The following CREBRF variants were observed in gnomAD, a reference collection of about 807,000 sequenced individuals.
CREBRF encodes UPF0474 protein C5orf41.
A neutral mutation model predicts 66.1 loss-of-function variants in CREBRF; 5 were observed. The ratio of observed to expected loss-of-function variants is 0.08; its 90% CI spans 0.04 to 0.16. The LOEUF is 0.16. Among genes scored for constraint, CREBRF ranks in the 10% least tolerant of loss-of-function variants. The pLI is 1.00. For synonymous variants in CREBRF, 229 were observed against 264.4 expected, an observed-to-expected ratio of 0.87 and a Z score of 1.30; for missense variants, 531 against 744.9, an observed-to-expected ratio of 0.71 and a Z score of 3.34.
intron 8 of CREBRF, among the ~76,000 whole-genome samples, chr5:173,127,274 T>C (rs1021879397): frequency 6.6e-6 from 1 of 150,664 alleles, no homozygotes; most frequent in African/African-American, 2.4e-5. Flanking sequence ...GTGGTTCTTA[T>C]GCCTCAGCCT....
intron 7 of CREBRF, among the ~76,000 whole-genome samples, chr5:173,119,276 A>G (rs1458066695): frequency 6.6e-6 from 1 of 152,196 alleles, no homozygotes; most frequent in African/African-American, 2.4e-5. Flanking sequence ...GAGAATTACT[A>G]TCTTAAAATG....
intron 3 of CREBRF, among the ~76,000 whole-genome samples, chr5:173,089,204 C>A (rs1758254830): frequency 6.8e-6 from 1 of 147,942 alleles, no homozygotes; most frequent in African/African-American, 2.5e-5. Context: ...AAAAAAAAAC[C>A]CATACACAGA....
At chr5:173,058,559 C>A (rs977239552) in intron 1 of CREBRF, among the ~76,000 whole-genome samples, 1 of 151,914 alleles carries the variant, frequency 6.6e-6, no homozygotes, top group African/African-American at 2.4e-5. Context: ...TCTCGACTCA[C>A]TGCAAGCTCC....
At position 173,108,711 on chromosome 5, in the gene CREBRF, A is replaced by G. The variant is rs574369785; in HGVS notation, c.1310A>G (p.Tyr437Cys). The G allele has an allele frequency of 1.4e-5, 23 of 1,614,136 alleles. No individual in the cohort carries two copies. In the South Asian group the frequency reaches 2.1e-4, roughly 15 times the overall value. ...KRGKRRYFWE[Y>C]SEQLTPSQQE... The stretch of plus-strand genomic sequence containing the variant: ...GGTAAAAGAAGATACTTCTGGGAGT[A>G]TAGTGAACAACTTACACCATCACAG... The change falls in exon 5 of 9, where the codon TAT (tyrosine) becomes TGT (cysteine). Residue 437 changes from tyrosine to cysteine, a missense_variant. Tyr to Cys is a radical substitution (Grantham distance 194). Coordinates refer to ENST00000296953, the MANE Select transcript of CREBRF (RefSeq NM_153607.3).
chr5:173,070,956 G>A (rs1420486160), intron 1 of CREBRF, among the ~76,000 whole-genome samples: 2 of 152,082 alleles, frequency 1.3e-5, no homozygotes, highest in Admixed American at 6.6e-5. Flanking sequence ...ATTTGGCACT[G>A]TAGTGAAATA....
intron 5 of CREBRF, chr5:173,109,689 A>G (rs1758829134): frequency 6.6e-6 from 1 of 152,220 alleles, no homozygotes; most frequent in Non-Finnish European, 1.5e-5. Flanking sequence ...TGGTCAGTAA[A>G]CAGGTTATTC....
At chr5:173,086,321 A>G (rs1285862968) in intron 2 of CREBRF, 180 bp from the exon 3 acceptor site, 7 of 651,666 alleles carry the variant, frequency 1.1e-5, no homozygotes, top group South Asian at 1.9e-5. Flanking sequence ...TTTTCCTAAT[A>G]TAAGTCTACA....
In CREBRF at chr5:173,137,373, C is replaced by A. The variant is rs969451691; in HGVS notation, c.*3628C>A. The A allele has an allele frequency of 6.6e-6, 1 of 151,946 alleles. No homozygotes were observed. The highest frequency in any genetic ancestry group is 6.6e-5 in the Admixed American group (1 of 15,246). The allele number at this position is 151,946 out of a possible 1,614,324, so 9.4% of individuals were successfully genotyped here. The stretch of plus-strand genomic sequence containing the variant: ...AGTTATTTTATATTTGTATGAAAGA[C>A]CAGTTTTGGATGGTCTTTGAATATA... On this transcript the variant is annotated 3_prime_UTR_variant, in exon 9 of 9. Coordinates refer to ENST00000296953, the MANE Select transcript of CREBRF (RefSeq NM_153607.3).
At position 173,090,207 on chromosome 5, in the gene CREBRF, T is replaced by C. The variant is rs977613806; in HGVS notation, c.136-108T>C. ...TAAAGCGTCCTGTCAGTAGCCTTTA[T>C]GTTAAAACAGACCAAAAGTCAAGTA... On this transcript the variant is annotated intron_variant, in intron 3 of 8. Coordinates refer to ENST00000296953, the MANE Select transcript of CREBRF (RefSeq NM_153607.3). The surrounding 1 kb of genome is among the most constrained non-coding windows in gnomAD (Gnocchi z 4.5). 4.8e-6 allele frequency: 4 copies of C among 827,472 alleles called. No individual in the cohort carries two copies. Among genetic ancestry groups the C allele is most frequent in the Middle Eastern group, 2.8e-4 (1 of 3,632 alleles). The allele number at this position is 827,472 out of a possible 1,614,324, so 51.3% of individuals were successfully genotyped here.
chr5:173,095,120 C>T (rs370546025), intron 4 of CREBRF, among the ~76,000 whole-genome samples: 19 of 147,462 alleles, frequency 1.3e-4, no homozygotes, highest in African/African-American at 4.3e-4. Flanking sequence ...TTTCTGGGCT[C>T]TCTGTTTCAT....
chr5:173,080,671 T>C lies in CREBRF; in HGVS notation c.-105T>C. 1 of 1,187,494 alleles carries C rather than the reference T, an allele frequency of 8.4e-7. No homozygotes were observed. The highest frequency in any genetic ancestry group is 1.2e-6 in the Non-Finnish European group (1 of 803,522). The allele number at this position is 1,187,494 out of a possible 1,614,324, so 73.6% of individuals were successfully genotyped here. A position where few individuals can be genotyped will look rare whatever the true frequency, so the allele number is the denominator to read the frequency against. On this transcript the variant is annotated 5_prime_UTR_variant, in exon 2 of 9. Coordinates refer to ENST00000296953, the MANE Select transcript of CREBRF (RefSeq NM_153607.3). ...CTCTGGGGAAACCTGCTGTTTATTG[T>C]GGAAATCATCTTCGATCTTGGAATT...
At chr5:173,105,810 G>A (rs1758734741) in intron 4 of CREBRF, among the ~76,000 whole-genome samples, 1 of 144,462 alleles carries the variant, frequency 6.9e-6, no homozygotes, top group African/African-American at 2.6e-5. Context: ...AGTAGAGATG[G>A]GGTTTCATCG....
intron 1 of CREBRF, among the ~76,000 whole-genome samples, chr5:173,064,605 G>A (rs1020848947): frequency 5.8e-5 from 8 of 137,564 alleles, no homozygotes; most frequent in African/African-American, 1.9e-4. Context: ...TCGCTCTGTC[G>A]CCCAGGCGGA....
At chr5:173,128,648 G>A (rs1759330776) in intron 8 of CREBRF, among the ~76,000 whole-genome samples, 1 of 151,332 alleles carries the variant, frequency 6.6e-6, no homozygotes, top group African/African-American at 2.4e-5. Flanking sequence ...CTTCTTGTCT[G>A]GTATTATCAC....
intron 4 of CREBRF, among the ~76,000 whole-genome samples, chr5:173,105,524 G>A (rs1455532777): frequency 1.3e-5 from 2 of 152,014 alleles, no homozygotes; most frequent in East Asian, 3.9e-4. Context: ...AGGTTGGAGT[G>A]CAGTGGTATG....
At chr5:173,072,444 T>A (rs1393958368) in intron 1 of CREBRF, among the ~76,000 whole-genome samples, 1 of 152,160 alleles carries the variant, frequency 6.6e-6, no homozygotes, top group East Asian at 1.9e-4. Flanking sequence ...CCCGGCTAAT[T>A]TTTTTTGTTT....
rs1757909943 is a variant in CREBRF, at chr5:173,080,574, T to G, written c.-191-11T>G. The G allele has an allele frequency of 5.4e-6, 3 of 554,082 alleles. No homozygotes were observed. Among genetic ancestry groups the G allele is most frequent in the South Asian group, 2.8e-5 (1 of 35,866 alleles). 34.3% of individuals were successfully genotyped at this position (554,082 alleles called of 1,614,324 possible). A position where few individuals can be genotyped will look rare whatever the true frequency, so the allele number is the denominator to read the frequency against. ...TGGAATTCAGTGAAGTTACTTTGTG[T>G]TGTTTGACAGACAGCATCGCACAGA... On this transcript the variant is annotated splice_polypyrimidine_tract_variant and intron_variant, in intron 1 of 8. Transcript: ENST00000296953.
At chr5:173,116,591 C>T (rs1200942696) in intron 7 of CREBRF, among the ~76,000 whole-genome samples, 2 of 152,104 alleles carry the variant, frequency 1.3e-5, no homozygotes, top group African/African-American at 2.4e-5. Context: ...ACTAGTATTC[C>T]ATTGTATGGA....
At chr5:173,059,021 A>G (rs1402316635) in intron 1 of CREBRF, among the ~76,000 whole-genome samples, 1 of 151,136 alleles carries the variant, frequency 6.6e-6, no homozygotes, top group Non-Finnish European at 1.5e-5. Context: ...CTGGTCTCGA[A>G]CTTCTGGCTT....
Sources: allele counts gnomAD v4.1 joint callset (sites outside exome capture counted in the v4.1 genomes callset), GRCh38; gene constraint gnomAD v4.1.1; non-coding constraint Gnocchi (gnomAD v3.1); transcripts MANE v1.5; gene names NCBI Gene and HGNC (gene_info 2026-07-23, HGNC 2026-07-21).